GALNT1: variants seen among roughly 807,000 people sequenced by gnomAD.
GALNT1 encodes GalNAc transferase 1.
Under a neutral mutation model 65.7 loss-of-function variants are expected in GALNT1, and 17 were observed. The ratio of observed to expected loss-of-function variants is 0.26; its 90% CI spans 0.18 to 0.39. The LOEUF is 0.39. GALNT1 is among the 10% of genes least tolerant of loss of function. The pLI is 1.00. For synonymous variants in GALNT1, 210 were observed against 219.7 expected (o/e 0.96, Z 0.39); for missense variants, 460 against 672.8 (o/e 0.68, Z 3.50).
chr18:35,634,016 G>A (rs1196812899), intron 1 of GALNT1, among the ~76,000 whole-genome samples: 1 of 152,162 alleles, frequency 6.6e-6, no homozygotes, highest in Middle Eastern at 3.2e-3. Flanking sequence ...GCTTTGCTTT[G>A]CAGTGTTCCA....
Position 35,636,783 on chromosome 18 carries a change from GTTTTTTTTTTT to G in GALNT1, c.-103-17762_-103-17752del, listed in dbSNP as rs58909585. 9.3e-5 allele frequency among the ~76,000 whole-genome samples: 6 copies of G among 64,224 alleles called. No individual in the cohort carries two copies. The East Asian group carries it at 1.3e-3, about 14-fold the overall frequency. The allele number at this position is 64,224 out of a possible 152,430, so 42.1% of individuals were successfully genotyped here. On this transcript the variant is annotated intron_variant, in intron 1 of 11. Coordinates refer to ENST00000269195, the MANE Select transcript of GALNT1 (RefSeq NM_020474.4). ...TATTGTACTTCACAGATACTACTTT[GTTTTTTTTTTT>G]TTTTTTTTTTTTTTCAACAAATGGA... is the stretch of plus-strand genomic sequence containing the variant.
chr18:35,702,299 C>G (rs1250821744), intron 9 of GALNT1, among the ~76,000 whole-genome samples: 1 of 152,176 alleles, frequency 6.6e-6, no homozygotes, highest in Non-Finnish European at 1.5e-5. Flanking sequence ...TTTCAAACAT[C>G]TGTTAATTTA....
rs922504142 is a variant in GALNT1, at chr18:35,663,779, T to G, written c.291T>G (p.Ser97=). 3.1e-6 allele frequency: 5 copies of G among 1,613,644 alleles called. No homozygotes were observed. Among genetic ancestry groups the G allele is most frequent in the Non-Finnish European group, 4.2e-6 (5 of 1,179,862 alleles). ...GTGAGATGATTGCACTCAACAGATC[T>G]TTACCAGATGTTAGGTTAGAAGGGT... is the stretch of plus-strand genomic sequence containing the variant. The part of the protein sequence containing the change: ...MASEMIALNR[S]LPDVRLEGCK... Residue 97 remains serine, a synonymous_variant, in exon 3 of 12, where the codon TCT becomes TCG. Coordinates refer to ENST00000269195, the MANE Select transcript of GALNT1 (RefSeq NM_020474.4).
At chr18:35,654,251 C>T (rs2047348756) in intron 1 of GALNT1, among the ~76,000 whole-genome samples, 1 of 152,078 alleles carries the variant, frequency 6.6e-6, no homozygotes. Context: ...GAGCACTTTT[C>T]TACATGTTTA....
chr18:35,581,485 C>T (rs1489505073), upstream of GALNT1, among the ~76,000 whole-genome samples: 1 of 145,854 alleles, frequency 6.9e-6, no homozygotes, highest in Admixed American at 6.8e-5. Flanking sequence ...GCCGCCGCCG[C>T]CGCTGCCGCC....
At chr18:35,688,008 A>AGTC (rs2144637994) in intron 6 of GALNT1, among the ~76,000 whole-genome samples, 1 of 152,318 alleles carries the variant, frequency 6.6e-6, no homozygotes, top group South Asian at 2.1e-4. Context: ...TAGTAGTAGT[A>AGTC]GTGCAAGGGA....
chr18:35,654,563 A>G lies in GALNT1; in HGVS notation c.-100A>G. ...TTTTTCCTTTCTTTCTCTATAGGGT[A>G]TGAACGTGATTTCTGATGAAACTGG... On this transcript the variant is annotated 5_prime_UTR_variant, in exon 2 of 12. It removes an upstream start codon present in the reference 5' UTR. Coordinates refer to ENST00000269195, the MANE Select transcript of GALNT1 (RefSeq NM_020474.4). 1.9e-6 allele frequency: 1 copy of G among 534,878 alleles called. No homozygotes were observed. Among genetic ancestry groups the G allele is most frequent in the Non-Finnish European group, 2.7e-6 (1 of 366,714 alleles). The allele number at this position is 534,878 out of a possible 1,614,324, so 33.1% of individuals were successfully genotyped here.
intron 1 of GALNT1, among the ~76,000 whole-genome samples, chr18:35,605,705 A>G (rs1265555653): frequency 1.3e-5 from 2 of 151,958 alleles, no homozygotes; most frequent in African/African-American, 2.4e-5. Flanking sequence ...ATGAACCCTC[A>G]TATACTCATC....
intron 1 of GALNT1, among the ~76,000 whole-genome samples, chr18:35,605,500 A>G (rs2143994518): frequency 6.6e-6 from 1 of 151,942 alleles, no homozygotes; most frequent in South Asian, 2.1e-4. Context: ...CAAAAAAAAA[A>G]AAAAGAAAAA....
chr18:35,707,256 AT>A (rs1257034491), intron 11 of GALNT1, among the ~76,000 whole-genome samples: 1 of 152,148 alleles, frequency 6.6e-6, no homozygotes, highest in Non-Finnish European at 1.5e-5. Flanking sequence ...TTGGCAAATT[AT>A]TTTTTCTAGG....
chr18:35,642,950 C>T (rs2047183594), intron 1 of GALNT1, among the ~76,000 whole-genome samples: 1 of 151,974 alleles, frequency 6.6e-6, no homozygotes, highest in South Asian at 2.1e-4. Flanking sequence ...AAGTGGCCTT[C>T]TCCATGTCGG....
At chr18:35,655,695 A>AT (rs1442186234) in intron 2 of GALNT1, among the ~76,000 whole-genome samples, 1 of 152,022 alleles carries the variant, frequency 6.6e-6, no homozygotes, top group South Asian at 2.1e-4. Flanking sequence ...CCACATTTAA[A>AT]TTTTTTATAC....
At position 35,711,438 on chromosome 18, in the gene GALNT1, A is replaced by G. The variant is rs1050781; in HGVS notation, c.*1668A>G. On this transcript the variant is annotated 3_prime_UTR_variant, in exon 12 of 12. Transcript: ENST00000269195. ...GTTCAAGTTAATCAACATCAAGCAC[A>G]TGGGGATGCTTTAGGGTGAGTCTAT... is the stretch of plus-strand genomic sequence containing the variant. 0.085 allele frequency: 12,978 copies of G among 152,646 alleles called. 602 individuals carry two copies. The highest frequency in any genetic ancestry group is 0.12 in the African/African-American group (5,029 of 41,528). The allele number at this position is 152,646 out of a possible 1,614,324, so 9.5% of individuals were successfully genotyped here. A position where few individuals can be genotyped will look rare whatever the true frequency, so the allele number is the denominator to read the frequency against.
chr18:35,638,131 C>G (rs1267227566), intron 1 of GALNT1, among the ~76,000 whole-genome samples: 1 of 152,182 alleles, frequency 6.6e-6, no homozygotes, highest in East Asian at 1.9e-4. Flanking sequence ...CCTGCAAATG[C>G]AACATTTATT....
At chr18:35,673,899 T>C (rs985593516) in intron 3 of GALNT1, among the ~76,000 whole-genome samples, 9 of 152,194 alleles carry the variant, frequency 5.9e-5, no homozygotes, top group Admixed American at 1.3e-4. Context: ...GTGTAAACAT[T>C]ATAGAGTGCA....
intron 3 of GALNT1, among the ~76,000 whole-genome samples, chr18:35,665,648 GTTAT>G: frequency 6.6e-6 from 1 of 152,286 alleles, no homozygotes; most frequent in East Asian, 1.9e-4. Flanking sequence ...CAATCAAAAG[GTTAT>G]TAATCAGAAT....
chr18:35,658,389 A>G (rs1285809241), intron 2 of GALNT1, among the ~76,000 whole-genome samples: 1 of 152,198 alleles, frequency 6.6e-6, no homozygotes, highest in African/African-American at 2.4e-5. Context: ...GAGGGGAAGT[A>G]CATAGCTAAG....
At chr18:35,644,264 T>G (rs192403913) in intron 1 of GALNT1, among the ~76,000 whole-genome samples, 1 of 152,258 alleles carries the variant, frequency 6.6e-6, no homozygotes, top group Non-Finnish European at 1.5e-5. Flanking sequence ...TAAATACTTA[T>G]GTTGAATAAG....
At chr18:35,629,370 C>T (rs898514342) in intron 1 of GALNT1, among the ~76,000 whole-genome samples, 2 of 152,210 alleles carry the variant, frequency 1.3e-5, no homozygotes, top group African/African-American at 4.8e-5. Flanking sequence ...GCTGATCTCT[C>T]AGCAGAAACT....
Sources: allele counts gnomAD v4.1 joint callset (sites outside exome capture counted in the v4.1 genomes callset), GRCh38; gene constraint gnomAD v4.1.1; transcripts MANE v1.5; gene names NCBI Gene and HGNC (gene_info 2026-07-23, HGNC 2026-07-21).